C10orf90: variants seen among roughly 807,000 people sequenced by gnomAD.
C10orf90 encodes (E2-independent) E3 ubiquitin-conjugating enzyme FATS.
In C10orf90, 56 loss-of-function variants were observed where a neutral mutation model predicts 62.5. The ratio of observed to expected loss-of-function variants is 0.90; its 90% CI spans 0.72 to 1.12. The LOEUF is 1.12. Ranked by LOEUF, C10orf90 falls within the 50% of genes most tolerant of loss-of-function variation. The pLI is 0.00. For synonymous variants in C10orf90, 386 were observed against 340.4 expected, an observed-to-expected ratio of 1.13 and a Z score of -1.47; for missense variants, 970 against 880.4, an observed-to-expected ratio of 1.10 and a Z score of -1.29.
chr10:126,664,552 G>A (rs553700624), intron 1 of C10orf90, among the ~76,000 whole-genome samples: 8 of 152,174 alleles, frequency 5.3e-5, no homozygotes, highest in South Asian at 4.2e-4. Flanking sequence ...GCCTCAACCC[G>A]GTGCTCTTTC....
At chr10:126,619,974 G>T (rs1342717612) in intron 2 of C10orf90, among the ~76,000 whole-genome samples, 3 of 151,970 alleles carry the variant, frequency 2.0e-5, no homozygotes, top group Admixed American at 6.6e-5. Flanking sequence ...ATATATTCTG[G>T]ATGTTGGATA....
intron 4 of C10orf90, among the ~76,000 whole-genome samples, chr10:126,500,658 G>A (rs1169893677): frequency 6.6e-6 from 1 of 152,164 alleles, no homozygotes; most frequent in Non-Finnish European, 1.5e-5. Flanking sequence ...AACATACAGG[G>A]ACTGAGGAGA....
chr10:126,649,973 G>A (rs2133856961), intron 1 of C10orf90, among the ~76,000 whole-genome samples: 1 of 151,910 alleles, frequency 6.6e-6, no homozygotes, highest in East Asian at 1.9e-4. Context: ...GGGAGCTTGG[G>A]AGGGAGTGGG....
chr10:126,556,957 T>A lies in C10orf90; in HGVS notation c.314-43018A>T, dbSNP rs145521065. 9.2e-5 allele frequency among the ~76,000 whole-genome samples: 14 copies of A among 151,632 alleles called. No homozygotes were observed. In the East Asian group the frequency reaches 2.5e-3, roughly 28 times the overall value. ...TCTGGATAAGAGGGGAGAAGAAAGT[T>A]GTTTCTATTAGGTTGGTGCAAAAGT... On this transcript the variant is annotated intron_variant, in intron 2 of 9. Coordinates refer to ENST00000488181, the MANE Select transcript of C10orf90 (RefSeq NM_001350921.2).
chr10:126,437,523 T>C (rs1858001837), intron 7 of C10orf90, among the ~76,000 whole-genome samples: 1 of 152,120 alleles, frequency 6.6e-6, no homozygotes, highest in Non-Finnish European at 1.5e-5. Context: ...AGGAAAAGAG[T>C]TAAATCCCTA....
chr10:126,533,229 C>T (rs1168819543), intron 2 of C10orf90, among the ~76,000 whole-genome samples: 1 of 152,092 alleles, frequency 6.6e-6, no homozygotes, highest in East Asian at 1.9e-4. Context: ...CCACAGCACC[C>T]GGCCTGCTAT....
At chr10:126,486,710 A>G (rs1280328992) in intron 4 of C10orf90, among the ~76,000 whole-genome samples, 1 of 152,262 alleles carries the variant, frequency 6.6e-6, no homozygotes, top group Non-Finnish European at 1.5e-5. Context: ...GTTAAAACTC[A>G]GATGACTTTA....
At chr10:126,562,515 C>A (rs1864925850) in intron 2 of C10orf90, among the ~76,000 whole-genome samples, 1 of 152,206 alleles carries the variant, frequency 6.6e-6, no homozygotes, top group African/African-American at 2.4e-5. Flanking sequence ...TAATTGCTAC[C>A]TGTGGCACCC....
chr10:126,643,892 G>A (rs1050740191), intron 2 of C10orf90, among the ~76,000 whole-genome samples: 15 of 152,140 alleles, frequency 9.9e-5, no homozygotes, highest in African/African-American at 3.4e-4. Flanking sequence ...GTTCTTTCCC[G>A]AGGCAGAAAG....
chr10:126,568,698 T>A (rs1844442929), intron 2 of C10orf90, among the ~76,000 whole-genome samples: 1 of 152,164 alleles, frequency 6.6e-6, no homozygotes, highest in Non-Finnish European at 1.5e-5. Flanking sequence ...GCATTCTGCC[T>A]ACACCAGATA....
Position 126,613,556 on chromosome 10 carries a change from A to G in C10orf90, c.313+33009T>C, listed in dbSNP as rs917030178. Among the ~76,000 whole-genome samples, 7 of 152,312 alleles carry G rather than the reference A, an allele frequency of 4.6e-5. No homozygotes were observed. The East Asian group carries it at 1.4e-3, about 29-fold the overall frequency. On this transcript the variant is annotated intron_variant, in intron 2 of 9. Coordinates refer to ENST00000488181, the MANE Select transcript of C10orf90 (RefSeq NM_001350921.2). The stretch of plus-strand genomic sequence containing the variant: ...CCACCATGCCCGGCCTCAGATGACT[A>G]TTTTAATCCACTGATGCAAAACTGT...
intron 2 of C10orf90, among the ~76,000 whole-genome samples, chr10:126,598,840 G>T (rs1037287913): frequency 6.6e-6 from 1 of 152,180 alleles, no homozygotes. Context: ...AAACTAGGGA[G>T]TCAGGCTGAC....
intron 2 of C10orf90, among the ~76,000 whole-genome samples, chr10:126,557,254 G>A (rs940836475): frequency 2.6e-5 from 4 of 152,018 alleles, no homozygotes; most frequent in Non-Finnish European, 5.9e-5. Flanking sequence ...GGCTGAGGCG[G>A]GCAGATCACG....
rs368044040 is a variant in C10orf90, at chr10:126,625,111, C to T, written c.313+21454G>A. On this transcript the variant is annotated intron_variant, in intron 2 of 9. Transcript: ENST00000488181. ...CCTGATGGGACCCCAGCATCTCCCC[C>T]ACAGTCTTCCTTCTTGGAAGTGGAG... 4.7e-4 allele frequency among the ~76,000 whole-genome samples: 72 copies of T among 152,344 alleles called. No individual in the cohort carries two copies. In the East Asian group the frequency reaches 0.011, roughly 23 times the overall value.
intron 7 of C10orf90, among the ~76,000 whole-genome samples, chr10:126,457,117 T>C (rs1021763069): frequency 2.0e-5 from 3 of 152,194 alleles, no homozygotes; most frequent in African/African-American, 7.2e-5. Flanking sequence ...GCCTCCCAAG[T>C]AGCTGAGACT....
chr10:126,488,403 A>C (rs532255353), intron 4 of C10orf90, among the ~76,000 whole-genome samples: 1 of 152,268 alleles, frequency 6.6e-6, no homozygotes, highest in East Asian at 1.9e-4. Flanking sequence ...TAGTGTATGA[A>C]AATGTTTGAT....
intron 7 of C10orf90, among the ~76,000 whole-genome samples, chr10:126,454,262 A>G (rs1326718982): frequency 6.6e-6 from 1 of 150,534 alleles, no homozygotes; most frequent in Non-Finnish European, 1.5e-5. Flanking sequence ...CTTGCAGAAG[A>G]TGTATCCCTA....
chr10:126,513,935 T>A lies in C10orf90; in HGVS notation c.318A>T (p.Leu106Phe). The change falls in exon 3 of 10, where the codon TTA becomes TTT. Residue 106 changes from leucine (L) to phenylalanine (F), a missense_variant. Coordinates refer to ENST00000488181, the MANE Select transcript of C10orf90 (RefSeq NM_001350921.2). ...ERNESLSNAG[L>F]RDSYHSRRDQ... The stretch of plus-strand genomic sequence containing the variant: ...CTCTTCTACTGTGGTAGCTGTCCCG[T>A]AATCCTAGGCAAAAGAAGATAATAT... 1 of 1,609,720 alleles carries A rather than the reference T, an allele frequency of 6.2e-7. No homozygotes were observed. The highest frequency in any genetic ancestry group is 8.5e-7 in the Non-Finnish European group (1 of 1,176,958).
At chr10:126,539,349 G>T (rs891554630) in intron 2 of C10orf90, among the ~76,000 whole-genome samples, 16 of 152,298 alleles carry the variant, frequency 1.1e-4, no homozygotes, top group African/African-American at 3.6e-4. Flanking sequence ...AGGTCACTGT[G>T]TTTATAAAAC....
Sources: gnomAD v4.1 joint callset for allele counts (sites outside exome capture counted in the v4.1 genomes callset) on GRCh38, gnomAD v4.1.1 for gene constraint, MANE v1.5 for transcripts, NCBI Gene and HGNC (gene_info 2026-07-23, HGNC 2026-07-21) for gene names.